Variants in XYLT1 observed in about 807,000 individuals in gnomAD.
XYLT1 encodes the protein xylosyltransferase 1, also known as beta-D-xylosyltransferase 1.
A neutral mutation model predicts 91.3 loss-of-function variants in XYLT1; 36 were observed. That is an observed-to-expected ratio of 0.39 (90% confidence interval 0.30 to 0.52). The LOEUF is 0.52. XYLT1 is among the 20% of genes least tolerant of loss of function. The pLI is 0.68. For missense variants in XYLT1, 1,242 were observed against 1,284.5 expected, an observed-to-expected ratio of 0.97 and a Z score of 0.51; for synonymous variants, 588 against 532.0, an observed-to-expected ratio of 1.11 and a Z score of -1.45.
intron 1 of XYLT1, among the ~76,000 whole-genome samples, chr16:17,385,888 T>C (rs938186456): frequency 6.6e-6 from 1 of 152,174 alleles, no homozygotes; most frequent in African/African-American, 2.4e-5. Context: ...ACAGTGGCAA[T>C]AGATGTGGGC....
chr16:17,280,402 C>G (rs2034039810), intron 2 of XYLT1, among the ~76,000 whole-genome samples: 1 of 152,134 alleles, frequency 6.6e-6, no homozygotes, highest in Non-Finnish European at 1.5e-5. Flanking sequence ...TGGAGGTGGT[C>G]AGATTTTGTC....
intron 8 of XYLT1, among the ~76,000 whole-genome samples, chr16:17,137,139 C>T (rs116420571): frequency 0.032 from 4,885 of 152,112 alleles, 264 homozygotes; most frequent in African/African-American, 0.11. Context: ...GGAATACGAA[C>T]GACAGAAAAC....
At chr16:17,126,729 G>A (rs2030273647) in intron 10 of XYLT1, among the ~76,000 whole-genome samples, 1 of 152,170 alleles carries the variant, frequency 6.6e-6, no homozygotes, top group Non-Finnish European at 1.5e-5. Context: ...TGTGAGGAAG[G>A]CAGAAACCAG....
chr16:17,282,939 A>G (rs1257400337), intron 2 of XYLT1, among the ~76,000 whole-genome samples: 1 of 150,950 alleles, frequency 6.6e-6, no homozygotes, highest in Non-Finnish European at 1.5e-5. Flanking sequence ...AGACAATGAA[A>G]CTGACACACA....
In XYLT1 at chr16:17,419,977, T is replaced by C. The variant is rs570195580; in HGVS notation, c.363+50457A>G. ...GATAAATAATGAATCCAAAATCTAT[T>C]GGAAGGAGAGTAATCCACTCATTAC... On this transcript the variant is annotated intron_variant, in intron 1 of 11. Transcript: ENST00000261381. 3.9e-5 allele frequency among the ~76,000 whole-genome samples: 6 copies of C among 152,278 alleles called. No individual in the cohort carries two copies. In the East Asian group the frequency reaches 9.6e-4, roughly 24 times the overall value.
At chr16:17,201,129 C>T (rs1225568143) in intron 3 of XYLT1, among the ~76,000 whole-genome samples, 2 of 152,202 alleles carry the variant, frequency 1.3e-5, no homozygotes, top group Non-Finnish European at 2.9e-5. Context: ...GAAATCTCCC[C>T]TCTTAATAAA....
intron 5 of XYLT1, among the ~76,000 whole-genome samples, chr16:17,165,382 G>C (rs1405722166): frequency 6.6e-6 from 1 of 152,144 alleles, no homozygotes; most frequent in African/African-American, 2.4e-5. Context: ...GGTTGCACAG[G>C]ATCCTATAGA....
Position 17,256,659 on chromosome 16 carries a change from AC to A in XYLT1, c.913+2328del, listed in dbSNP as rs202219673. 9.1e-4 allele frequency among the ~76,000 whole-genome samples: 136 copies of A among 149,566 alleles called. 13 individuals carry two copies. The highest frequency in any genetic ancestry group is 3.5e-3 in the Middle Eastern group (1 of 284). On this transcript the variant is annotated intron_variant, in intron 3 of 11. Transcript: ENST00000261381. ...GTGAGACTCCGTCTCGAAAAAAAAA[AC>A]AAAAAAAAGAGTAGCGAATGAAGAG...
chr16:17,243,312 T>A (rs929004275), intron 3 of XYLT1, among the ~76,000 whole-genome samples: 2 of 152,200 alleles, frequency 1.3e-5, no homozygotes, highest in African/African-American at 4.8e-5. Context: ...AATCCCTTTG[T>A]TAAAGTCTAA....
At chr16:17,430,161 T>C (rs1484532595) in intron 1 of XYLT1, among the ~76,000 whole-genome samples, 1 of 151,986 alleles carries the variant, frequency 6.6e-6, no homozygotes, top group Non-Finnish European at 1.5e-5. Context: ...GGTCTTGAAC[T>C]CCTGACCTCA....
intron 6 of XYLT1, among the ~76,000 whole-genome samples, chr16:17,152,995 A>G (rs1435122659): frequency 6.6e-6 from 1 of 152,184 alleles, no homozygotes; most frequent in Non-Finnish European, 1.5e-5. Flanking sequence ...AGAATCTCCC[A>G]TGTCCCCAGT....
At chr16:17,343,138 T>C (rs1480071765) in intron 2 of XYLT1, among the ~76,000 whole-genome samples, 2 of 152,204 alleles carry the variant, frequency 1.3e-5, no homozygotes. Flanking sequence ...CAGGACCCTT[T>C]CACAGAGTCC....
At chr16:17,357,962 G>A (rs1173147992) in intron 2 of XYLT1, 50 bp downstream of exon 2, 1 of 1,597,390 alleles carries the variant, frequency 6.3e-7, no homozygotes, top group Non-Finnish European at 8.5e-7. Context: ...CCCCTTGAGA[G>A]CTGGAATACT....
At chr16:17,217,457 C>T (rs898933237) in intron 3 of XYLT1, among the ~76,000 whole-genome samples, 1 of 152,212 alleles carries the variant, frequency 6.6e-6, no homozygotes, top group African/African-American at 2.4e-5. Flanking sequence ...TATGCACTCA[C>T]GTTATATATA....
chr16:17,295,875 G>C (rs1197064015), intron 2 of XYLT1, among the ~76,000 whole-genome samples: 1 of 152,172 alleles, frequency 6.6e-6, no homozygotes, highest in Admixed American at 6.5e-5. Flanking sequence ...CTAGACCACT[G>C]TAAGGCCTCT....
intron 1 of XYLT1, among the ~76,000 whole-genome samples, chr16:17,413,833 C>G (rs1408682522): frequency 6.6e-6 from 1 of 152,178 alleles, no homozygotes; most frequent in Non-Finnish European, 1.5e-5. Flanking sequence ...GAGCAAGCCT[C>G]TCACATGCAA....
At chr16:17,266,246 C>T (rs1400046953) in intron 2 of XYLT1, among the ~76,000 whole-genome samples, 1 of 152,188 alleles carries the variant, frequency 6.6e-6, no homozygotes, top group Non-Finnish European at 1.5e-5. Flanking sequence ...TTTCGCCTCT[C>T]TTTGCCTCAG....
intron 1 of XYLT1, among the ~76,000 whole-genome samples, chr16:17,368,583 T>C (rs1393088614): frequency 6.7e-6 from 1 of 149,176 alleles, no homozygotes; most frequent in Non-Finnish European, 1.5e-5. Context: ...TTTTTTTGGT[T>C]TTTACTTTAA....
chr16:17,414,880 C>T lies in XYLT1; in HGVS notation c.363+55554G>A, dbSNP rs138977156. On this transcript the variant is annotated intron_variant, in intron 1 of 11. Coordinates refer to ENST00000261381, the MANE Select transcript of XYLT1 (RefSeq NM_022166.4). ...GAGATTAAAGCGCATGAATACCCAA[C>T]GGGGCCGGCATGTGGTGAGCACTGT... is the stretch of plus-strand genomic sequence containing the variant. 8.7e-3 allele frequency among the ~76,000 whole-genome samples: 1,319 copies of T among 152,156 alleles called. 15 individuals are homozygous for T. The highest frequency in any genetic ancestry group is 0.03 in the African/African-American group (1,231 of 41,518).
Sources: allele counts gnomAD v4.1 joint callset (sites outside exome capture counted in the v4.1 genomes callset), GRCh38; gene constraint gnomAD v4.1.1; transcripts MANE v1.5; gene names NCBI Gene and HGNC (gene_info 2026-07-23, HGNC 2026-07-21).